Variants in RBM33 observed in about 807,000 individuals in gnomAD.
RBM33 encodes the protein RNA binding motif protein 33.
A neutral mutation model predicts 132.6 loss-of-function variants in RBM33; 28 were observed. The ratio of observed to expected loss-of-function variants is 0.21; its 90% confidence interval spans 0.16 to 0.29. RBM33 has a LOEUF of 0.29. Among genes scored for constraint, RBM33 ranks in the 10% least tolerant of loss-of-function variants. The pLI is 1.00. For synonymous variants in RBM33, 634 were observed against 593.0 expected, an observed-to-expected ratio of 1.07 and a Z score of -1.01; for missense variants, 1,291 against 1,518.5, an observed-to-expected ratio of 0.85 and a Z score of 2.49.
intron 13 of RBM33, 110 bp downstream of exon 13, chr7:155,742,216 T>C (rs1801366608): frequency 1.8e-6 from 2 of 1,083,682 alleles, no homozygotes; most frequent in Non-Finnish European, 2.5e-6. Flanking sequence ...CTTCCCACTT[T>C]TTTCACCTGG....
At chr7:155,751,014 G>T (rs766468760) in intron 14 of RBM33, among the ~76,000 whole-genome samples, 20 of 152,148 alleles carry the variant, frequency 1.3e-4, no homozygotes, top group Non-Finnish European at 2.5e-4. Flanking sequence ...GTGGGATCAT[G>T]CATTTATGGC....
At chr7:155,716,146 T>C (rs1004189362) in intron 8 of RBM33, among the ~76,000 whole-genome samples, 9 of 152,178 alleles carry the variant, frequency 5.9e-5, no homozygotes, top group African/African-American at 1.7e-4. Context: ...AATTCTTCGC[T>C]GCAGTAGTCG....
intron 14 of RBM33, among the ~76,000 whole-genome samples, chr7:155,756,896 T>G (rs938337656): frequency 6.6e-6 from 1 of 152,160 alleles, no homozygotes; most frequent in Non-Finnish European, 1.5e-5. Context: ...ATGGCTGTTG[T>G]AATACCTGAT....
intron 14 of RBM33, among the ~76,000 whole-genome samples, chr7:155,754,744 G>A (rs760741646): frequency 7.9e-5 from 12 of 152,214 alleles, no homozygotes; most frequent in Non-Finnish European, 1.5e-4. Flanking sequence ...ACTGTGCCAC[G>A]TTCTCACCAT....
chr7:155,738,142 T>C lies in RBM33; in HGVS notation c.1476T>C (p.Leu492=). 1 of 1,613,956 alleles carries C rather than the reference T, an allele frequency of 6.2e-7. No individual in the cohort carries two copies. The highest frequency in any genetic ancestry group is 8.5e-7 in the Non-Finnish European group (1 of 1,179,896). Residue 492 remains leucine, a synonymous_variant, in exon 11 of 18, where the codon CTT becomes CTC. Transcript: ENST00000401878. ...CACCACCACCGCCTCCTACCCTTCT[T>C]AACAGTAGCCATCCTGTTCCTACTC... is the stretch of plus-strand genomic sequence containing the variant. ...PPPPPPPPTL[L]NSSHPVPTQS...
At chr7:155,694,548 G>A (rs1799739230) in intron 5 of RBM33, among the ~76,000 whole-genome samples, 1 of 152,212 alleles carries the variant, frequency 6.6e-6, no homozygotes, top group Non-Finnish European at 1.5e-5. Flanking sequence ...TCCCTTGGTT[G>A]ATAAGGAACA....
At chr7:155,744,555 C>G (rs1359546994) in intron 13 of RBM33, among the ~76,000 whole-genome samples, 2 of 152,170 alleles carry the variant, frequency 1.3e-5, no homozygotes, top group East Asian at 1.9e-4. Context: ...CTAATCAGAG[C>G]CTTTCAGGTC....
chr7:155,749,443 T>A (rs146883284), intron 14 of RBM33, among the ~76,000 whole-genome samples: 1 of 152,348 alleles, frequency 6.6e-6, no homozygotes, highest in East Asian at 1.9e-4. Context: ...TGTGGGTTAG[T>A]GCTGAATCTT....
In RBM33 at chr7:155,741,864, C is replaced by G; in HGVS notation, c.2095C>G (p.Gln699Glu). ...AAGCAAGCGGCCCATGCAGCAAATG[C>G]AGCCCACTGCGCCAAGGAACAGCAA... ...NVSKRPMQQM[Q>E]PTAPRNSNLR... The change falls in exon 13 of 18, where the codon CAG becomes GAG. Residue 699 changes from glutamine (Q) to glutamate (E), a missense_variant. Around this residue, in one of 7 missense-constraint regions of RBM33, gnomAD observed 841 missense variants for 912.0 expected, o/e 0.92. Transcript: ENST00000401878. 6.2e-7 allele frequency: 1 copy of G among 1,613,950 alleles called. No homozygotes were observed. The highest frequency in any genetic ancestry group is 2.2e-5 in the East Asian group (1 of 44,892).
intron 9 of RBM33, among the ~76,000 whole-genome samples, chr7:155,728,048 G>A (rs1003467728): frequency 1.3e-5 from 2 of 152,206 alleles, no homozygotes; most frequent in Non-Finnish European, 2.9e-5. Context: ...AAGATTAGAG[G>A]TGTGAGGCAC....
At chr7:155,688,438 T>G (rs1488149877) in intron 5 of RBM33, among the ~76,000 whole-genome samples, 1 of 152,198 alleles carries the variant, frequency 6.6e-6, no homozygotes, top group Non-Finnish European at 1.5e-5. Context: ...ACAATTTGAC[T>G]TCCTCTTTTC....
Position 155,737,648 on chromosome 7 carries a change from C to G in RBM33, c.1379C>G (p.Pro460Arg). ...CCACCCCCGCCTCAGGATCGAGACC[C>G]TTTCTTCTTAGGAGGTACAGAAAGA... is the stretch of plus-strand genomic sequence containing the variant. ...RAPPPPQDRD[P>R]FFLGVSGEPR... is the part of the protein sequence containing the mutation. Residue 460 changes from proline to arginine, a missense_variant, in exon 10 of 18, where the codon CCT becomes CGT. Transcript: ENST00000401878. 1 of 1,592,622 alleles carries G rather than the reference C, an allele frequency of 6.3e-7. No homozygotes were observed. The highest frequency in any genetic ancestry group is 8.5e-7 in the Non-Finnish European group (1 of 1,172,808).
chr7:155,700,498 G>A (rs1449919266), intron 5 of RBM33, among the ~76,000 whole-genome samples: 1 of 148,174 alleles, frequency 6.7e-6, no homozygotes, highest in Non-Finnish European at 1.5e-5. Flanking sequence ...CGTGTAAGCA[G>A]CAATGATGTG....
intron 3 of RBM33, among the ~76,000 whole-genome samples, chr7:155,673,222 G>C (rs997947012): frequency 1.3e-5 from 2 of 152,062 alleles, no homozygotes; most frequent in African/African-American, 2.4e-5. Flanking sequence ...GTCACATTTG[G>C]AGGTGAATAT....
Position 155,774,319 on chromosome 7 carries a change from C to G in RBM33, c.3376-240C>G, listed in dbSNP as rs1802535061. 6.6e-6 allele frequency among the ~76,000 whole-genome samples: 1 copy of G among 152,178 alleles called. No homozygotes were observed. Among genetic ancestry groups the G allele is most frequent in the Non-Finnish European group, 1.5e-5 (1 of 68,044 alleles). The stretch of plus-strand genomic sequence containing the variant: ...GGCCAGATGATGGGAGGCCTTAACA[C>G]TAGGCTTGGAAGATGTAACTGTTGC... On this transcript the variant is annotated intron_variant, in intron 16 of 17. Coordinates refer to ENST00000401878, the MANE Select transcript of RBM33 (RefSeq NM_053043.3). The surrounding 1 kb of genome is among the most constrained non-coding windows in gnomAD (Gnocchi z 4.2).
chr7:155,705,538 T>C (rs1800088602), intron 6 of RBM33, among the ~76,000 whole-genome samples: 1 of 152,062 alleles, frequency 6.6e-6, no homozygotes, highest in African/African-American at 2.4e-5. Flanking sequence ...TTGGAGGAGT[T>C]TGGAGATGAT....
At chr7:155,730,599 G>A (rs1275248268) in intron 9 of RBM33, among the ~76,000 whole-genome samples, 1 of 152,232 alleles carries the variant, frequency 6.6e-6, no homozygotes, top group African/African-American at 2.4e-5. Flanking sequence ...CTGGGATGGA[G>A]ACAGGGCTGG....
At chr7:155,661,639 C>G (rs2116885225) in intron 1 of RBM33, among the ~76,000 whole-genome samples, 1 of 152,006 alleles carries the variant, frequency 6.6e-6, no homozygotes, top group South Asian at 2.1e-4. Flanking sequence ...AACTCCTGAC[C>G]TCAAGTGATC....
intron 1 of RBM33, among the ~76,000 whole-genome samples, chr7:155,662,523 C>CG (rs1798681001): frequency 1.3e-5 from 2 of 152,102 alleles, no homozygotes; most frequent in Admixed American, 1.3e-4. Context: ...CACCCCGCCC[C>CG]CCCCGCTCTG....
Sources: gnomAD v4.1 joint callset for allele counts (sites outside exome capture counted in the v4.1 genomes callset) on GRCh38, gnomAD v4.1.1 for gene constraint, gnomAD v4.1.1 regional missense constraint, Gnocchi (gnomAD v3.1) non-coding constraint, MANE v1.5 for transcripts, NCBI Gene and HGNC (gene_info 2026-07-23, HGNC 2026-07-21) for gene names.